The following TMEM44 variants were observed in gnomAD, a reference collection of about 807,000 sequenced individuals.
TMEM44 encodes transmembrane protein 44.
A neutral mutation model predicts 47.8 loss-of-function variants in TMEM44; 43 were observed. That is an observed-to-expected ratio of 0.90 (90% CI 0.70 to 1.16). The LOEUF (loss-of-function observed/expected upper bound fraction) is 1.16, where lower values mean the gene tolerates loss of function less well. Among genes scored for constraint, TMEM44 ranks in the 50% most tolerant of loss-of-function variants. The pLI is 0.00. For synonymous variants in TMEM44, 277 were observed against 238.8 expected (o/e 1.16, Z -1.48); for missense variants, 568 against 555.2 (o/e 1.02, Z -0.23).
chr3:194,611,060 A>C lies in TMEM44; in HGVS notation c.913-40T>G. 39 of 1,554,812 alleles carry C rather than the reference A, an allele frequency of 2.5e-5. No homozygotes were observed. Among genetic ancestry groups the C allele is most frequent in the Non-Finnish European group, 3.2e-5 (36 of 1,128,454 alleles). ...CAGGGAGACAGAAAGGGGAATTCTC[A>C]AAGTCAGGAGGCATTTTCTAAAAAC... On this transcript the variant is annotated intron_variant, in intron 7 of 9. Transcript: ENST00000347147. This position sits in a 1 kb window ranked among gnomAD's most constrained non-coding sequence, Gnocchi z 4.2.
chr3:194,598,182 C>T (rs1197935801), intron 9 of TMEM44, among the ~76,000 whole-genome samples: 1 of 152,142 alleles, frequency 6.6e-6, no homozygotes, highest in East Asian at 1.9e-4. Flanking sequence ...TGACATGATT[C>T]GTCTGGTACC....
intron 9 of TMEM44, chr3:194,592,947 G>T: frequency 1.4e-6 from 2 of 1,430,916 alleles, no homozygotes; most frequent in Non-Finnish European, 2.0e-6. Flanking sequence ...ATTTGTCATG[G>T]GTCTAGCCAT....
In TMEM44 at chr3:194,588,495, G is replaced by A; in HGVS notation, c.*34C>T. 6.3e-7 allele frequency: 1 copy of A among 1,593,806 alleles called. No individual in the cohort carries two copies. The highest frequency in any genetic ancestry group is 8.6e-7 in the Non-Finnish European group (1 of 1,162,496). The stretch of plus-strand genomic sequence containing the variant: ...CGTTACTGAACGAACTCCTGACCCT[G>A]GGCTCTGAGCTGATGAGCTGGCTCC... On this transcript the variant is annotated 3_prime_UTR_variant, in exon 10 of 10. Coordinates refer to ENST00000347147, the MANE Select transcript of TMEM44 (RefSeq NM_001011655.3).
At position 194,611,148 on chromosome 3, in the gene TMEM44, G is replaced by A. The variant is rs77069986; in HGVS notation, c.913-128C>T. The A allele has an allele frequency of 4.9e-3, 3,464 of 708,688 alleles. 90 individuals carry two copies. The African/African-American group carries it at 0.051, about 10-fold the overall frequency. 43.9% of individuals were successfully genotyped at this position (708,688 alleles called of 1,614,324 possible). On this transcript the variant is annotated intron_variant, in intron 7 of 9. Coordinates refer to ENST00000347147, the MANE Select transcript of TMEM44 (RefSeq NM_001011655.3). This position sits in a 1 kb window ranked among gnomAD's most constrained non-coding sequence, Gnocchi z 4.2. ...TTCTCTCTCTCTTTTTTAACGGCAC[G>A]TCTCACTTTCTGCTTCCTATAAGAT...
Position 194,617,183 on chromosome 3 carries a change from C to A in TMEM44, c.699G>T (p.Val233=). 1 of 1,553,884 alleles carries A rather than the reference C, an allele frequency of 6.4e-7. No homozygotes were observed. The highest frequency in any genetic ancestry group is 2.0e-5 in the Admixed American group (1 of 51,114). ...GGTACTCAGGGTGCTGGTCGTGGGC[C>A]ACAATGGCCGAGGCATAGAGGAGGC... ...LAGLLYASAI[V]AHDQHPEYLL... is the part of the protein sequence containing the mutation. Residue 233 remains valine (V), a synonymous_variant, in exon 6 of 10, where the codon GTG becomes GTT. Coordinates refer to ENST00000347147, the MANE Select transcript of TMEM44 (RefSeq NM_001011655.3).
At chr3:194,592,250 C>T (rs1712854602) in intron 9 of TMEM44, among the ~76,000 whole-genome samples, 1 of 150,898 alleles carries the variant, frequency 6.6e-6, no homozygotes, top group Admixed American at 6.6e-5. Flanking sequence ...AAAATCATTG[C>T]TGGAAACCAG....
intron 9 of TMEM44, chr3:194,589,351 C>T (rs1712295805): frequency 6.6e-6 from 1 of 152,546 alleles, no homozygotes; most frequent in East Asian, 1.9e-4. Context: ...AGGAAGCCTA[C>T]CTTGACCGTG....
Position 194,607,670 on chromosome 3 carries a change from CT to C in TMEM44, c.1018-3226del, listed in dbSNP as rs1314593453. On this transcript the variant is annotated intron_variant, in intron 8 of 9. Coordinates refer to ENST00000347147, the MANE Select transcript of TMEM44 (RefSeq NM_001011655.3). ...AATGAGTATAATACTCAGGAGTCGG[CT>C]GTGGGGCAAGTTAATGTGTGTAAAG... Among the ~76,000 whole-genome samples, 3 of 152,112 alleles carry C rather than the reference CT, an allele frequency of 2.0e-5. No homozygotes were observed. The East Asian group carries it at 5.8e-4, about 29-fold the overall frequency.
intron 6 of TMEM44, among the ~76,000 whole-genome samples, chr3:194,615,918 A>C (rs58177286): frequency 0.11 from 16,911 of 152,180 alleles, 1,259 homozygotes; most frequent in East Asian, 0.3. Flanking sequence ...CCCTGTCCCT[A>C]ACAAGGACAT....
chr3:194,604,244 C>G (rs147331616), intron 9 of TMEM44, 43 bp downstream of exon 9: 2 of 1,559,000 alleles, frequency 1.3e-6, no homozygotes, highest in African/African-American at 2.7e-5. Flanking sequence ...TGTCGGCGAA[C>G]GATGGCACCC....
intron 9 of TMEM44, among the ~76,000 whole-genome samples, chr3:194,596,664 G>A (rs1007498604): frequency 1.3e-5 from 2 of 152,144 alleles, no homozygotes; most frequent in Non-Finnish European, 2.9e-5. Flanking sequence ...GGTGGCGCAT[G>A]CCTGTAATCT....
chr3:194,588,716 CA>C (rs1257057308), intron 9 of TMEM44, 77 bp from the exon 10 acceptor site: 2 of 1,374,334 alleles, frequency 1.5e-6, no homozygotes, highest in Non-Finnish European at 2.1e-6. Context: ...CTGACCCAAA[CA>C]AAAGCTCCAA....
intron 9 of TMEM44, 29 bp from the exon 10 acceptor site, chr3:194,588,668 G>C (rs1367598749): frequency 1.3e-6 from 2 of 1,595,692 alleles, no homozygotes; most frequent in Admixed American, 3.3e-5. Flanking sequence ...AAGGGTAGCT[G>C]GGTGGAACGG....
chr3:194,605,042 C>G (rs1714622068), intron 8 of TMEM44, among the ~76,000 whole-genome samples: 1 of 152,202 alleles, frequency 6.6e-6, no homozygotes. Context: ...TGCCCACCAG[C>G]AGGGGATGAA....
At chr3:194,625,485 G>A (rs1273553085) in intron 3 of TMEM44, among the ~76,000 whole-genome samples, 2 of 150,966 alleles carry the variant, frequency 1.3e-5, no homozygotes, top group East Asian at 2.0e-4. Flanking sequence ...GTCTCGCTCT[G>A]TCACCAGGTT....
intron 9 of TMEM44, among the ~76,000 whole-genome samples, chr3:194,594,740 C>G (rs190971575): frequency 6.6e-6 from 1 of 151,872 alleles, no homozygotes; most frequent in Non-Finnish European, 1.5e-5. Flanking sequence ...GTTAACTTAG[C>G]GAAAAAGTTT....
At chr3:194,594,153 A>ATCTATCTATCTGTCTG (rs1553824444) in intron 9 of TMEM44, among the ~76,000 whole-genome samples, 4,074 of 148,372 alleles carry the variant, frequency 0.027, 91 homozygotes, top group Non-Finnish European at 0.037. Flanking sequence ...CTATCTATCT[A>ATCTATCTATCTGTCTG]TCTATCTATC....
chr3:194,590,801 C>G (rs1235696222), intron 9 of TMEM44, among the ~76,000 whole-genome samples: 1 of 152,148 alleles, frequency 6.6e-6, no homozygotes, highest in Non-Finnish European at 1.5e-5. Context: ...AACCACTGCT[C>G]GAGCTTCTTA....
At chr3:194,605,599 C>T (rs1714692550) in intron 8 of TMEM44, among the ~76,000 whole-genome samples, 1 of 152,200 alleles carries the variant, frequency 6.6e-6, no homozygotes, top group Non-Finnish European at 1.5e-5. Context: ...GAGACTAATT[C>T]ACTGTCACGA....
Sources: gnomAD v4.1 joint callset for allele counts (sites outside exome capture counted in the v4.1 genomes callset) on GRCh38, gnomAD v4.1.1 for gene constraint, Gnocchi (gnomAD v3.1) non-coding constraint, MANE v1.5 for transcripts, NCBI Gene and HGNC (gene_info 2026-07-23, HGNC 2026-07-21) for gene names.